Variants in CDH13 observed in about 807,000 individuals in gnomAD.
CDH13 encodes cadherin-13.
In CDH13, 24 loss-of-function variants were observed where a neutral mutation model predicts 63.8. That is an observed-to-expected ratio of 0.38 (90% CI 0.27 to 0.53). The LOEUF is 0.53. Among genes scored for constraint, CDH13 ranks in the 20% least tolerant of loss-of-function variants. The pLI is 0.85. For missense variants in CDH13, 1,049 were observed against 903.1 expected, an observed-to-expected ratio of 1.16 and a Z score of -2.07; for synonymous variants, 503 against 355.3, an observed-to-expected ratio of 1.42 and a Z score of -4.67.
intron 5 of CDH13, among the ~76,000 whole-genome samples, chr16:83,308,699 C>G (rs564091407): frequency 5.3e-5 from 8 of 152,288 alleles, no homozygotes; most frequent in African/African-American, 1.9e-4. Flanking sequence ...AAAGGAAGCC[C>G]TTGCTTCTGG....
intron 8 of CDH13, among the ~76,000 whole-genome samples, chr16:83,665,340 A>T (rs112509801): frequency 8.9e-4 from 136 of 152,332 alleles, no homozygotes; most frequent in African/African-American, 3.1e-3. Context: ...ATCCATCATC[A>T]TTATCCTTGC....
intron 1 of CDH13, among the ~76,000 whole-genome samples, chr16:82,801,479 C>A (rs914961095): frequency 2.0e-5 from 3 of 152,234 alleles, no homozygotes; most frequent in Admixed American, 1.3e-4. Flanking sequence ...CCCACCCACA[C>A]ACTTTCCATC....
At chr16:83,406,360 G>A (rs1246610455) in intron 6 of CDH13, among the ~76,000 whole-genome samples, 2 of 151,986 alleles carry the variant, frequency 1.3e-5, no homozygotes, top group Non-Finnish European at 2.9e-5. Flanking sequence ...TCAAGTCTTT[G>A]TCTCAGGCTC....
At chr16:83,270,838 C>G (rs2088781516) in intron 5 of CDH13, among the ~76,000 whole-genome samples, 1 of 151,742 alleles carries the variant, frequency 6.6e-6, no homozygotes, top group Non-Finnish European at 1.5e-5. Flanking sequence ...CTGTGTTGCT[C>G]TTCTCTTTTC....
At chr16:83,602,312 G>A (rs1011216215) in intron 7 of CDH13, 142 bp from the exon 8 acceptor site, 110 of 823,522 alleles carry the variant, frequency 1.3e-4, no homozygotes, top group Non-Finnish European at 2.1e-4. Context: ...TACACAATAG[G>A]TAAAAATGTT....
intron 2 of CDH13, among the ~76,000 whole-genome samples, chr16:83,025,677 G>A (rs995362470): frequency 6.6e-6 from 1 of 152,152 alleles, no homozygotes; most frequent in Non-Finnish European, 1.5e-5. Flanking sequence ...CTACACACAA[G>A]CCAGGATTAG....
chr16:83,661,181 C>T (rs951668017), intron 8 of CDH13, among the ~76,000 whole-genome samples: 3 of 152,002 alleles, frequency 2.0e-5, no homozygotes, highest in Non-Finnish European at 4.4e-5. Context: ...CTTGGTAGGA[C>T]TCCTGTACCA....
intron 5 of CDH13, among the ~76,000 whole-genome samples, chr16:83,294,794 G>A (rs2089550282): frequency 1.3e-5 from 2 of 151,984 alleles, no homozygotes; most frequent in South Asian, 2.1e-4. Context: ...TTGTTAAAAT[G>A]CCCGTACTAC....
intron 5 of CDH13, among the ~76,000 whole-genome samples, chr16:83,299,175 T>C (rs2089671735): frequency 6.6e-6 from 1 of 152,200 alleles, no homozygotes; most frequent in African/African-American, 2.4e-5. Flanking sequence ...AATATCTTTC[T>C]GAATCATGTA....
intron 1 of CDH13, among the ~76,000 whole-genome samples, chr16:82,643,527 G>A (rs372730101): frequency 8.4e-4 from 128 of 152,306 alleles, no homozygotes; most frequent in African/African-American, 3.1e-3. Context: ...TCTTACATGT[G>A]TTTCATTCAT....
chr16:83,216,408 A>ATGTG (rs66685513), intron 4 of CDH13, among the ~76,000 whole-genome samples: 12 of 76,016 alleles, frequency 1.6e-4, no homozygotes, highest in African/African-American at 5.8e-4. Context: ...ATATATATAT[A>ATGTG]TATATATATA....
At chr16:83,574,435 C>T (rs934777194) in intron 7 of CDH13, among the ~76,000 whole-genome samples, 5 of 152,164 alleles carry the variant, frequency 3.3e-5, no homozygotes, top group Non-Finnish European at 7.3e-5. Context: ...GCCTCAAAAA[C>T]ACTGGTGAGG....
rs1325079561 is a variant in CDH13, at chr16:83,570,970, TAA to T, written c.961-31480_961-31479del. ...CCATATATATATATATATATATATA[TAA>T]AAACCTTCTGGCGCCACCCAAGGGC... On this transcript the variant is annotated intron_variant, in intron 7 of 13. Transcript: ENST00000567109. Among the ~76,000 whole-genome samples the T allele has an allele frequency of 4.9e-3, 611 of 123,784 alleles. 2 individuals are homozygous for T. Among genetic ancestry groups the T allele is most frequent in the East Asian group, 0.013 (57 of 4,272 alleles). 81.2% of individuals were successfully genotyped at this position (123,784 alleles called of 152,430 possible).
intron 6 of CDH13, among the ~76,000 whole-genome samples, chr16:83,388,217 G>A (rs2091713860): frequency 6.6e-6 from 1 of 151,156 alleles, no homozygotes; most frequent in Admixed American, 6.6e-5. Context: ...ACTTTGGGAG[G>A]CAAAAGCAGG....
In CDH13 at chr16:83,799,310, A is replaced by G. The variant is rs1367846528; in HGVS notation, c.*4280A>G. On this transcript the variant is annotated 3_prime_UTR_variant, in exon 14 of 14. Coordinates refer to ENST00000567109, the MANE Select transcript of CDH13 (RefSeq NM_001257.5). ...GAGCAAGACTCCGTCAAAAAAAAAA[A>G]AAAAAAAAAAGAAAGAAAAGGAAAT... The G allele has an allele frequency of 6.6e-6, 1 of 151,534 alleles. No homozygotes were observed. Among genetic ancestry groups the G allele is most frequent in the Non-Finnish European group, 1.5e-5 (1 of 67,916 alleles). The allele number at this position is 151,534 out of a possible 1,614,324, so 9.4% of individuals were successfully genotyped here.
chr16:83,327,968 TG>T (rs1213072127), intron 5 of CDH13, among the ~76,000 whole-genome samples: 3 of 151,906 alleles, frequency 2.0e-5, no homozygotes, highest in Non-Finnish European at 2.9e-5. Flanking sequence ...CCGTCTCTAC[TG>T]AAAATATGAA....
chr16:83,680,206 G>A (rs561548918), intron 10 of CDH13, among the ~76,000 whole-genome samples: 11 of 152,294 alleles, frequency 7.2e-5, no homozygotes, highest in African/African-American at 2.4e-4. Context: ...GAATAAACCA[G>A]CTCCAGCTGT....
At chr16:82,938,841 G>A (rs2042746814) in intron 2 of CDH13, among the ~76,000 whole-genome samples, 1 of 152,228 alleles carries the variant, frequency 6.6e-6, no homozygotes, top group African/African-American at 2.4e-5. Context: ...CCATCCTGAG[G>A]AGGGAGGGAG....
intron 5 of CDH13, among the ~76,000 whole-genome samples, chr16:83,234,711 C>T (rs902932321): frequency 6.6e-6 from 1 of 152,202 alleles, no homozygotes; most frequent in Admixed American, 6.5e-5. Context: ...AGCCCTACCC[C>T]CAGCCCCTCT....
Sources: gnomAD v4.1 joint callset for allele counts (sites outside exome capture counted in the v4.1 genomes callset) on GRCh38, gnomAD v4.1.1 for gene constraint, MANE v1.5 for transcripts, NCBI Gene and HGNC (gene_info 2026-07-23, HGNC 2026-07-21) for gene names.